CCDC50: variants seen among roughly 807,000 people sequenced by gnomAD.
The protein encoded by CCDC50 is coiled-coil domain containing 50.
In CCDC50, 54 loss-of-function variants were observed where a neutral mutation model predicts 70.2. The ratio of observed to expected loss-of-function variants is 0.77; its 90% confidence interval spans 0.62 to 0.96. The LOEUF (loss-of-function observed/expected upper bound fraction) is 0.96, where lower values mean the gene tolerates loss of function less well. CCDC50 is among the 50% of genes least tolerant of loss of function. CCDC50 has a pLI of 0.00. For missense variants in CCDC50, 558 were observed against 578.7 expected (o/e 0.96, Z 0.37); for synonymous variants, 216 against 198.8 (o/e 1.09, Z -0.73).
chr3:191,365,056 A>G (rs1487747826), intron 4 of CCDC50, among the ~76,000 whole-genome samples: 2 of 151,488 alleles, frequency 1.3e-5, no homozygotes, highest in East Asian at 3.9e-4. Context: ...CTAAAACTCT[A>G]AAAGTGTGTG....
At chr3:191,341,376 AG>A (rs1358446543) in intron 1 of CCDC50, among the ~76,000 whole-genome samples, 3 of 152,204 alleles carry the variant, frequency 2.0e-5, no homozygotes, top group Admixed American at 6.5e-5. Context: ...TTTACAGATG[AG>A]GAACCTGAGG....
chr3:191,384,119 T>C (rs1713410691), intron 10 of CCDC50, among the ~76,000 whole-genome samples: 1 of 152,156 alleles, frequency 6.6e-6, no homozygotes, highest in African/African-American at 2.4e-5. Context: ...ATATAATAGA[T>C]ACTTTAGAAA....
At chr3:191,376,085 A>T (rs1054562500) in intron 6 of CCDC50, among the ~76,000 whole-genome samples, 2 of 152,204 alleles carry the variant, frequency 1.3e-5, no homozygotes, top group African/African-American at 4.8e-5. Context: ...CTTTTAAGAA[A>T]GTATTTTTCA....
chr3:191,390,042 T>G (rs1347195963), intron 11 of CCDC50, among the ~76,000 whole-genome samples: 2 of 151,870 alleles, frequency 1.3e-5, no homozygotes, highest in Non-Finnish European at 2.9e-5. Flanking sequence ...TGTATTTTTT[T>G]TGTAGAGATG....
chr3:191,382,612 T>C, intron 9 of CCDC50, 134 bp from the exon 10 acceptor site: 1 of 643,242 alleles, frequency 1.6e-6, no homozygotes. Context: ...CAATTAAATA[T>C]AATTAATCTG....
chr3:191,371,369 G>A (rs1712908800), intron 5 of CCDC50, among the ~76,000 whole-genome samples: 1 of 152,146 alleles, frequency 6.6e-6, no homozygotes, highest in African/African-American at 2.4e-5. Context: ...CTTGTCAAAG[G>A]AAAGATGTTT....
intron 1 of CCDC50, among the ~76,000 whole-genome samples, chr3:191,334,641 T>A (rs759615887): frequency 3.3e-5 from 5 of 152,166 alleles, no homozygotes; most frequent in Non-Finnish European, 7.4e-5. Context: ...AGTAGTTGCT[T>A]ACACAGCTTA....
At chr3:191,380,803 A>G in intron 8 of CCDC50, 25 bp from the exon 9 acceptor site, 1 of 1,611,896 alleles carries the variant, frequency 6.2e-7, no homozygotes, top group Non-Finnish European at 8.5e-7. Flanking sequence ...TCTGCAGTTA[A>G]TGATATTGAC....
intron 1 of CCDC50, among the ~76,000 whole-genome samples, chr3:191,339,184 G>C (rs1711622427): frequency 6.6e-6 from 1 of 152,160 alleles, no homozygotes; most frequent in African/African-American, 2.4e-5. Context: ...AAAGAGGAGA[G>C]AGCATGAGCA....
Position 191,355,349 on chromosome 3 carries a change from C to T in CCDC50, c.50-1739C>T, listed in dbSNP as rs142888573. Reference sequence around the variant, plus strand: ...TTCATTAATTTTTGTAAATTAAGTCCGTGTATGTCTTACCCATTTAAAAAT... The same window carrying T: ...TTCATTAATTTTTGTAAATTAAGTCTGTGTATGTCTTACCCATTTAAAAAT... On this transcript the variant is annotated intron_variant, in intron 1 of 11. Transcript: ENST00000392455. Among the ~76,000 whole-genome samples the T allele has an allele frequency of 1.4e-3, 210 of 151,946 alleles. 1 individual carries two copies. Among genetic ancestry groups the T allele is most frequent in the African/African-American group, 4.7e-3 (196 of 41,426 alleles).
At chr3:191,336,131 TG>T (rs909077891) in intron 1 of CCDC50, among the ~76,000 whole-genome samples, 5 of 151,402 alleles carry the variant, frequency 3.3e-5, no homozygotes, top group African/African-American at 9.7e-5. Context: ...TGTGTACAAG[TG>T]TTTTTTTTTT....
intron 1 of CCDC50, among the ~76,000 whole-genome samples, chr3:191,347,504 A>G (rs529359345): frequency 7.0e-6 from 1 of 142,316 alleles, no homozygotes; most frequent in African/African-American, 2.5e-5. Context: ...GTATGTATAC[A>G]CACATTTTTC....
At chr3:191,370,944 G>A (rs961605641) in intron 5 of CCDC50, among the ~76,000 whole-genome samples, 2 of 152,084 alleles carry the variant, frequency 1.3e-5, no homozygotes, top group African/African-American at 4.8e-5. Flanking sequence ...GAAAATGGTC[G>A]ATGAGTCTCT....
At chr3:191,366,399 C>T (rs1018667973) in intron 4 of CCDC50, among the ~76,000 whole-genome samples, 1 of 152,026 alleles carries the variant, frequency 6.6e-6, no homozygotes, top group Non-Finnish European at 1.5e-5. Context: ...GCTTGGATAA[C>T]AGAAGGGAAA....
chr3:191,341,348 C>T (rs1711723247), intron 1 of CCDC50, among the ~76,000 whole-genome samples: 1 of 152,138 alleles, frequency 6.6e-6, no homozygotes, highest in Non-Finnish European at 1.5e-5. Flanking sequence ...ATTTAGTCCT[C>T]ACAACATTTA....
rs1180464838 is a variant in CCDC50, at chr3:191,394,351, AATAAT to A, written c.*2598_*2602del. 1 of 152,176 alleles carries A rather than the reference AATAAT, an allele frequency of 6.6e-6. No individual in the cohort carries two copies. Among genetic ancestry groups the A allele is most frequent in the African/African-American group, 2.4e-5 (1 of 41,452 alleles). 9.4% of individuals were successfully genotyped at this position (152,176 alleles called of 1,614,324 possible). ...AAATCCTCATACTCTTTCTCATTCA[AATAAT>A]ATAATAATGTTTGAGACTATAGAAG... On this transcript the variant is annotated 3_prime_UTR_variant, in exon 12 of 12. Transcript: ENST00000392455.
At chr3:191,350,073 A>G (rs371857) in intron 1 of CCDC50, among the ~76,000 whole-genome samples, 70,712 of 132,278 alleles carry the variant, frequency 0.53, 25,300 homozygotes, top group East Asian at 0.92. Flanking sequence ...GGGTAGTCTT[A>G]TTCAAGCCGT....
At chr3:191,337,470 G>GA (rs1321176422) in intron 1 of CCDC50, among the ~76,000 whole-genome samples, 2 of 151,496 alleles carry the variant, frequency 1.3e-5, no homozygotes, top group African/African-American at 2.4e-5. Context: ...TCAGCCTCCC[G>GA]AGTAGCTGGG....
chr3:191,388,753 A>G (rs1440795604), intron 10 of CCDC50, among the ~76,000 whole-genome samples: 3 of 152,142 alleles, frequency 2.0e-5, no homozygotes, highest in African/African-American at 7.2e-5. Flanking sequence ...TATTTGATAA[A>G]TCTTTGATAT....
Sources: gnomAD v4.1 joint callset for allele counts (sites outside exome capture counted in the v4.1 genomes callset) on GRCh38, gnomAD v4.1.1 for gene constraint, MANE v1.5 for transcripts, NCBI Gene and HGNC (gene_info 2026-07-23, HGNC 2026-07-21) for gene names.